LRFN2: variants seen among roughly 807,000 people sequenced by gnomAD.
LRFN2 encodes leucine rich repeat and fibronectin type III domain containing 2.
In LRFN2, 18 loss-of-function variants were observed where a neutral mutation model predicts 37.3. That is an observed-to-expected ratio of 0.48 (90% CI 0.33 to 0.72). The LOEUF (loss-of-function observed/expected upper bound fraction) is 0.72, where lower values mean the gene tolerates loss of function less well. Ranked by LOEUF, LRFN2 falls within the 30% of genes least tolerant of loss-of-function variation. The probability of loss-of-function intolerance (pLI) is 0.02; values close to 1 mark genes in which losing one functional copy is unlikely to be tolerated. For synonymous variants in LRFN2, 556 were observed against 466.6 expected (o/e 1.19, Z -2.47); for missense variants, 1,006 against 1,060.7 (o/e 0.95, Z 0.72).
intron 1 of LRFN2, among the ~76,000 whole-genome samples, chr6:40,436,176 C>T (rs753180258): frequency 7.2e-5 from 11 of 152,184 alleles, no homozygotes; most frequent in Non-Finnish European, 1.2e-4. Context: ...ACAAACTCTT[C>T]AAAATCTGGT....
At chr6:40,516,764 C>T (rs1765888983) in intron 1 of LRFN2, among the ~76,000 whole-genome samples, 1 of 152,164 alleles carries the variant, frequency 6.6e-6, no homozygotes, top group East Asian at 1.9e-4. Context: ...TGGCCAGGAG[C>T]AGCCAAGGAT....
At chr6:40,492,736 C>T (rs540533825) in intron 1 of LRFN2, among the ~76,000 whole-genome samples, 1 of 152,092 alleles carries the variant, frequency 6.6e-6, no homozygotes, top group Non-Finnish European at 1.5e-5. Context: ...AGGCAACAGG[C>T]CCCCAAGGAG....
At chr6:40,554,086 C>T (rs550441670) in intron 1 of LRFN2, among the ~76,000 whole-genome samples, 81 of 152,342 alleles carry the variant, frequency 5.3e-4, no homozygotes, top group African/African-American at 1.9e-3. Context: ...CCTCCATTGC[C>T]ACCACCTGGG....
chr6:40,464,057 C>G (rs1046017071), intron 1 of LRFN2, among the ~76,000 whole-genome samples: 4 of 152,180 alleles, frequency 2.6e-5, no homozygotes, highest in African/African-American at 9.6e-5. Flanking sequence ...TCTGTTCTGT[C>G]TCTTAGCCCC....
intron 1 of LRFN2, among the ~76,000 whole-genome samples, chr6:40,531,166 C>T (rs1265920987): frequency 6.6e-6 from 1 of 152,172 alleles, no homozygotes; most frequent in Admixed American, 6.5e-5. Flanking sequence ...CTTCTAATAC[C>T]ACAGATAGGC....
At chr6:40,507,260 T>C (rs534714685) in intron 1 of LRFN2, among the ~76,000 whole-genome samples, 11 of 152,288 alleles carry the variant, frequency 7.2e-5, no homozygotes, top group Admixed American at 1.3e-4. Flanking sequence ...GCCAGACTAA[T>C]ATTGCCTTGG....
chr6:40,586,143 C>T (rs1036604771), intron 1 of LRFN2, among the ~76,000 whole-genome samples: 5 of 152,142 alleles, frequency 3.3e-5, no homozygotes, highest in East Asian at 1.9e-4. Flanking sequence ...GATGGGAAGA[C>T]GAGTAGGACA....
intron 1 of LRFN2, among the ~76,000 whole-genome samples, chr6:40,468,499 C>A (rs1466479259): frequency 6.6e-6 from 1 of 152,118 alleles, no homozygotes; most frequent in African/African-American, 2.4e-5. Context: ...TAGGTCACAG[C>A]CAAGCTTTTG....
At chr6:40,439,006 C>T (rs1282302189) in intron 1 of LRFN2, among the ~76,000 whole-genome samples, 2 of 152,146 alleles carry the variant, frequency 1.3e-5, no homozygotes, top group African/African-American at 4.8e-5. Context: ...AAGGAAAGTT[C>T]TTGTTCCTTG....
At chr6:40,539,501 A>G (rs957210274) in intron 1 of LRFN2, among the ~76,000 whole-genome samples, 3 of 152,214 alleles carry the variant, frequency 2.0e-5, no homozygotes, top group Admixed American at 6.5e-5. Context: ...TATTCAATAA[A>G]TATCTCTTGA....
Position 40,432,284 on chromosome 6 carries a change from C to T in LRFN2, c.830G>A (p.Trp277Ter), listed in dbSNP as rs370049834. 6.2e-7 allele frequency: 1 copy of T among 1,614,124 alleles called. No homozygotes were observed. The highest frequency in any genetic ancestry group is 1.3e-5 in the African/African-American group (1 of 75,048). Reference protein sequence around the residue: ...SPGGLKGRYFWHVREEEFVCE... With the variant: ...SPGGLKGRYF ...CACAAACTCCTCCTCACGCACATGC[C>T]AGAAGTAGCGACCCTTGAGGCCCCC... The change falls in exon 2 of 3, where the codon TGG becomes TAG. Residue 277 changes from tryptophan to a stop codon, truncating the protein, a stop_gained. Transcript: ENST00000338305. LOFTEE classifies it high-confidence loss of function.
chr6:40,537,576 T>A (rs1455049324), intron 1 of LRFN2, among the ~76,000 whole-genome samples: 1 of 152,112 alleles, frequency 6.6e-6, no homozygotes, highest in African/African-American at 2.4e-5. Flanking sequence ...CCCTGACCAC[T>A]CTGACCCTTG....
At chr6:40,559,616 T>C (rs1250924992) in intron 1 of LRFN2, among the ~76,000 whole-genome samples, 2 of 152,086 alleles carry the variant, frequency 1.3e-5, no homozygotes, top group Non-Finnish European at 2.9e-5. Flanking sequence ...ATATCAGGCC[T>C]TTTGACACTG....
chr6:40,463,253 T>C (rs1225952072), intron 1 of LRFN2, among the ~76,000 whole-genome samples: 5 of 152,198 alleles, frequency 3.3e-5, no homozygotes, highest in Non-Finnish European at 5.9e-5. Flanking sequence ...CTAAGTTATA[T>C]AATAGTATTT....
intron 2 of LRFN2, among the ~76,000 whole-genome samples, chr6:40,408,283 G>C (rs1581682936): frequency 6.6e-6 from 1 of 152,154 alleles, no homozygotes; most frequent in African/African-American, 2.4e-5. Flanking sequence ...AATTCTACCA[G>C]GTGAGCAGGA....
chr6:40,432,958 C>T lies in LRFN2; in HGVS notation c.156G>A (p.Arg52=), dbSNP rs1177888940. Residue 52 remains arginine (R), a synonymous_variant, in exon 2 of 3, where the codon CGG becomes CGA. Transcript: ENST00000338305. ...CGCCCAGGCGCAGCTCCACTGTCCG[C>T]CGGTCAATATCAGGGGGTACAAAGA... The part of the protein sequence containing the change: ...GLLFVPPDID[R]RTVELRLGGN... 6.2e-7 allele frequency: 1 copy of T among 1,613,636 alleles called. No homozygotes were observed. The highest frequency in any genetic ancestry group is 1.7e-5 in the Admixed American group (1 of 59,994).
chr6:40,397,283 T>C (rs1485438854), intron 2 of LRFN2, among the ~76,000 whole-genome samples: 1 of 152,208 alleles, frequency 6.6e-6, no homozygotes, highest in Non-Finnish European at 1.5e-5. Context: ...CTCTGGCTGG[T>C]AGATTCTACC....
chr6:40,410,706 A>T (rs1275785192), intron 2 of LRFN2, among the ~76,000 whole-genome samples: 2 of 152,138 alleles, frequency 1.3e-5, no homozygotes, highest in African/African-American at 4.8e-5. Context: ...AACACCATCC[A>T]TTCCACCCAC....
chr6:40,566,181 C>T (rs1235219842), intron 1 of LRFN2, among the ~76,000 whole-genome samples: 7 of 152,076 alleles, frequency 4.6e-5, no homozygotes, highest in South Asian at 2.1e-4. Context: ...AAAACCACAA[C>T]GAGATACCAT....
Sources: gnomAD v4.1 joint callset for allele counts (sites outside exome capture counted in the v4.1 genomes callset) on GRCh38, gnomAD v4.1.1 for gene constraint, MANE v1.5 for transcripts, NCBI Gene and HGNC (gene_info 2026-07-23, HGNC 2026-07-21) for gene names.